RARB: variants seen among roughly 807,000 people sequenced by gnomAD.
RARB encodes the protein HBV-activated protein.
A neutral mutation model predicts 51.9 loss-of-function variants in RARB; 17 were observed. That is an observed-to-expected ratio of 0.33 (90% confidence interval 0.22 to 0.49). The LOEUF (loss-of-function observed/expected upper bound fraction) is 0.49. RARB is among the 20% of genes least tolerant of loss of function. The pLI is 0.99. For missense variants in RARB, 369 were observed against 550.8 expected (o/e 0.67, Z 3.30); for synonymous variants, 215 against 195.4 (o/e 1.10, Z -0.84).
chr3:25,547,344 AAC>A (rs1183182300), intron 3 of RARB, among the ~76,000 whole-genome samples: 2 of 152,130 alleles, frequency 1.3e-5, no homozygotes, highest in Admixed American at 6.5e-5. Flanking sequence ...AGGCCAGAAA[AAC>A]AGAGGTCTCC....
intron 2 of RARB, among the ~76,000 whole-genome samples, chr3:24,942,120 G>A (rs1417111133): frequency 1.3e-5 from 2 of 152,206 alleles, no homozygotes; most frequent in African/African-American, 4.8e-5. Flanking sequence ...TAAGTGACTT[G>A]TTCAAGGTCA....
At position 24,911,335 on chromosome 3, in the gene RARB, T is replaced by TC. The variant is rs780126143; in HGVS notation, c.-380+52584dup. Among the ~76,000 whole-genome samples the TC allele has an allele frequency of 3.9e-4, 59 of 152,002 alleles. 1 individual carries two copies. Among genetic ancestry groups the TC allele is most frequent in the Middle Eastern group, 3.4e-3 (1 of 294 alleles). On this transcript the variant is annotated intron_variant, in intron 2 of 11. Transcript: ENST00000383772. ...GTAAAAGAAAGGAATTTATATAAAA[T>TC]CAAAAAAAGCTTTTTACCAAGCTAT... is the stretch of plus-strand genomic sequence containing the variant.
At chr3:25,096,651 CA>C (rs1368353735) in intron 3 of RARB, among the ~76,000 whole-genome samples, 1 of 151,982 alleles carries the variant, frequency 6.6e-6, no homozygotes, top group Non-Finnish European at 1.5e-5. Flanking sequence ...GGAAGAAAGG[CA>C]AGAGAGGGTG....
chr3:24,885,100 C>T (rs746233897), intron 2 of RARB, among the ~76,000 whole-genome samples: 2 of 152,074 alleles, frequency 1.3e-5, no homozygotes, highest in Non-Finnish European at 2.9e-5. Context: ...AGAATTACTA[C>T]ATAATTTATT....
chr3:25,523,312 T>G lies in RARB; in HGVS notation c.448+21989T>G, dbSNP rs142440934. ...GAAAGACTTTTTCAAACACAGGGTG[T>G]GATCATTGTCTCAAGGAAGTGTGGG... On this transcript the variant is annotated intron_variant, in intron 3 of 7. Transcript: ENST00000330688. Among the ~76,000 whole-genome samples the G allele has an allele frequency of 2.0e-5, 3 of 152,312 alleles. No homozygotes were observed. The East Asian group carries it at 5.8e-4, about 29-fold the overall frequency.
At chr3:25,054,567 A>G (rs1443094763) in intron 2 of RARB, among the ~76,000 whole-genome samples, 1 of 152,204 alleles carries the variant, frequency 6.6e-6, no homozygotes, top group African/African-American at 2.4e-5. Context: ...GTGAAGTCAG[A>G]AAGGCTGACT....
chr3:25,368,737 G>T (rs1388782991), intron 5 of RARB, among the ~76,000 whole-genome samples: 1 of 152,170 alleles, frequency 6.6e-6, no homozygotes, highest in East Asian at 1.9e-4. Context: ...ACATCTAAAT[G>T]AAATTTGCCT....
At position 25,478,219 on chromosome 3, in the gene RARB, G is replaced by A. The variant is rs1055180598; in HGVS notation, c.306+16878G>A. On this transcript the variant is annotated intron_variant, in intron 2 of 7. Coordinates refer to ENST00000330688, the MANE Select transcript of RARB (RefSeq NM_000965.5). ...GTTAAAGCAGCCACAGATCCATCCA[G>A]GTACAAGAGGAGGGGACATAAACCC... Among the ~76,000 whole-genome samples the A allele has an allele frequency of 2.0e-5, 3 of 152,138 alleles. No individual in the cohort carries two copies. In the East Asian group the frequency reaches 5.8e-4, roughly 29 times the overall value.
chr3:25,337,200 T>C (rs1705089288), intron 5 of RARB, among the ~76,000 whole-genome samples: 1 of 152,148 alleles, frequency 6.6e-6, no homozygotes, highest in Non-Finnish European at 1.5e-5. Context: ...CACCATCCTT[T>C]TTCTTACCAA....
intron 3 of RARB, among the ~76,000 whole-genome samples, chr3:25,115,121 A>C (rs1699664662): frequency 6.6e-6 from 1 of 152,134 alleles, no homozygotes; most frequent in South Asian, 2.1e-4. Flanking sequence ...CATTGGCTTC[A>C]TCAAATCCTG....
At position 25,250,196 on chromosome 3, in the gene RARB, G is replaced by C. The variant is rs147404997; in HGVS notation, c.178+75621G>C. Among the ~76,000 whole-genome samples, 202 of 152,292 alleles carry C rather than the reference G, an allele frequency of 1.3e-3. 1 individual carries two copies. Among genetic ancestry groups the C allele is most frequent in the African/African-American group, 4.7e-3 (197 of 41,566 alleles). On this transcript the variant is annotated intron_variant, in intron 5 of 11. Coordinates refer to the RARB transcript ENST00000383772. ...AGCAGGTTGGATGGGCTTGTTCTCA[G>C]GCCCCTGTGAGGGATGCCAACAATG...
intron 2 of RARB, among the ~76,000 whole-genome samples, chr3:24,974,413 C>CTGG (rs778401446): frequency 1.2e-4 from 18 of 151,998 alleles, no homozygotes; most frequent in Non-Finnish European, 2.2e-4. Flanking sequence ...AGGAGCCCAC[C>CTGG]TGGAGGATAA....
chr3:25,044,717 A>G (rs1698179492), intron 2 of RARB, among the ~76,000 whole-genome samples: 1 of 152,230 alleles, frequency 6.6e-6, no homozygotes, highest in South Asian at 2.1e-4. Flanking sequence ...TGGAATGAAT[A>G]GTTAATTTAA....
chr3:25,194,642 G>C (rs574934185), intron 5 of RARB, among the ~76,000 whole-genome samples: 1 of 150,984 alleles, frequency 6.6e-6, no homozygotes, highest in Non-Finnish European at 1.5e-5. Context: ...TGAGAACAAG[G>C]TCTTTTTTTT....
At chr3:25,582,849 C>T (rs1701234830) in intron 5 of RARB, among the ~76,000 whole-genome samples, 1 of 151,998 alleles carries the variant, frequency 6.6e-6, no homozygotes, top group South Asian at 2.1e-4. Flanking sequence ...TACCTATGTA[C>T]AAAATAGAAA....
chr3:25,206,973 C>A (rs1321115373), intron 5 of RARB, among the ~76,000 whole-genome samples: 1 of 152,176 alleles, frequency 6.6e-6, no homozygotes, highest in Middle Eastern at 3.2e-3. Flanking sequence ...GGGGACTTTG[C>A]AGAATTTACC....
intron 5 of RARB, among the ~76,000 whole-genome samples, chr3:25,391,090 C>A (rs900989461): frequency 6.6e-6 from 1 of 152,112 alleles, no homozygotes; most frequent in African/African-American, 2.4e-5. Context: ...TTGTATCATT[C>A]TTATGCCTTG....
chr3:24,880,895 A>G lies in RARB; in HGVS notation c.-380+22143A>G, dbSNP rs185513216. Among the ~76,000 whole-genome samples, 233 of 152,352 alleles carry G rather than the reference A, an allele frequency of 1.5e-3. 1 individual carries two copies. Among genetic ancestry groups the G allele is most frequent in the African/African-American group, 4.7e-3 (196 of 41,584 alleles). On this transcript the variant is annotated intron_variant, in intron 2 of 11. Transcript: ENST00000383772. ...TTTTTCCACATTAATGTCTATTACA[A>G]TAAAGATTTATAGACTTAATCCTCA...
chr3:24,948,124 G>T (rs1391619544), intron 2 of RARB, among the ~76,000 whole-genome samples: 1 of 152,132 alleles, frequency 6.6e-6, no homozygotes, highest in African/African-American at 2.4e-5. Flanking sequence ...GGGGAATTGT[G>T]CTCAGATTAC....
Sources: allele counts gnomAD v4.1 joint callset (sites outside exome capture counted in the v4.1 genomes callset), GRCh38; gene constraint gnomAD v4.1.1; transcripts MANE v1.5; gene names NCBI Gene and HGNC (gene_info 2026-07-23, HGNC 2026-07-21).